PRKG1: variants seen among roughly 807,000 people sequenced by gnomAD.
PRKG1 encodes the protein protein kinase cGMP-dependent 1, also known as cGMP-dependent protein kinase 1.
A neutral mutation model predicts 88.1 loss-of-function variants in PRKG1; 35 were observed. The observed-to-expected ratio is 0.40, with a 90% CI of 0.30 to 0.53. PRKG1 has a LOEUF of 0.53. Among genes scored for constraint, PRKG1 ranks in the 20% least tolerant of loss-of-function variants. The probability of loss-of-function intolerance (pLI) is 0.59; values close to 1 mark genes in which losing one functional copy is unlikely to be tolerated. For synonymous variants in PRKG1, 303 were observed against 292.5 expected (o/e 1.04, Z -0.37); for missense variants, 540 against 839.8 (o/e 0.64, Z 4.41).
chr10:52,098,342 T>G (rs558156594), intron 7 of PRKG1, among the ~76,000 whole-genome samples: 1 of 152,226 alleles, frequency 6.6e-6, no homozygotes, highest in Non-Finnish European at 1.5e-5. Flanking sequence ...CTGATGGAGG[T>G]TTTATAGGAG....
At chr10:51,433,452 C>T (rs1169751260) in intron 2 of PRKG1, among the ~76,000 whole-genome samples, 1 of 152,042 alleles carries the variant, frequency 6.6e-6, no homozygotes, top group Non-Finnish European at 1.5e-5. Flanking sequence ...GATTAAAGAT[C>T]ACAGATGGAA....
At chr10:52,074,997 T>A (rs1846593964) in intron 7 of PRKG1, among the ~76,000 whole-genome samples, 1 of 152,222 alleles carries the variant, frequency 6.6e-6, no homozygotes, top group Admixed American at 6.5e-5. Context: ...TATCTCCTAT[T>A]CCAGGCATTT....
At chr10:52,292,066 G>C (rs1339784281) in intron 17 of PRKG1, among the ~76,000 whole-genome samples, 3 of 152,176 alleles carry the variant, frequency 2.0e-5, no homozygotes, top group Non-Finnish European at 4.4e-5. Context: ...CTTCTTTTGA[G>C]AAGTGTCGGT....
At chr10:51,105,319 T>C (rs959250229) in intron 1 of PRKG1, among the ~76,000 whole-genome samples, 26 of 152,218 alleles carry the variant, frequency 1.7e-4, no homozygotes, top group African/African-American at 6.0e-4. Context: ...AATCTCCAAA[T>C]GCAAAATGGT....
At chr10:51,941,963 AC>A (rs1842918924) in intron 5 of PRKG1, among the ~76,000 whole-genome samples, 1 of 152,058 alleles carries the variant, frequency 6.6e-6, no homozygotes, top group Non-Finnish European at 1.5e-5. Context: ...TTGGGTATAT[AC>A]CCAGTAAGGG....
intron 3 of PRKG1, among the ~76,000 whole-genome samples, chr10:51,590,316 C>A (rs571646437): frequency 9.9e-5 from 15 of 152,088 alleles, no homozygotes; most frequent in Admixed American, 2.0e-4. Flanking sequence ...AGGCTACCCG[C>A]CCCCCACAAT....
intron 9 of PRKG1, among the ~76,000 whole-genome samples, chr10:52,173,447 C>G (rs574308741): frequency 6.6e-5 from 10 of 152,238 alleles, no homozygotes. Flanking sequence ...ATATTTCCCC[C>G]ATGAATCCTT....
At chr10:51,132,677 C>T (rs766975193) in intron 1 of PRKG1, among the ~76,000 whole-genome samples, 1 of 147,566 alleles carries the variant, frequency 6.8e-6, no homozygotes, top group Non-Finnish European at 1.5e-5. Flanking sequence ...CACGTACATA[C>T]CGTATGTATT....
chr10:51,919,263 C>A (rs760182190), intron 5 of PRKG1, among the ~76,000 whole-genome samples: 12 of 152,126 alleles, frequency 7.9e-5, no homozygotes, highest in Non-Finnish European at 1.5e-4. Context: ...TAGTAATGAG[C>A]ATTCCTCAAA....
chr10:52,064,600 C>T (rs1387799904), intron 7 of PRKG1, among the ~76,000 whole-genome samples: 1 of 152,214 alleles, frequency 6.6e-6, no homozygotes, highest in African/African-American at 2.4e-5. Flanking sequence ...TTCCCCCTGC[C>T]TGCCCATGAC....
At chr10:52,016,778 AAAT>A (rs1214239580) in intron 5 of PRKG1, among the ~76,000 whole-genome samples, 6 of 152,242 alleles carry the variant, frequency 3.9e-5, no homozygotes, top group African/African-American at 1.2e-4. Flanking sequence ...AAGAGATAGA[AAAT>A]AAGCATATTT....
chr10:52,166,984 A>G (rs545103767), intron 9 of PRKG1, among the ~76,000 whole-genome samples: 140 of 150,920 alleles, frequency 9.3e-4, no homozygotes, highest in Admixed American at 2.1e-3. Context: ...GCTATTACCT[A>G]TCTTGGTGTT....
At chr10:51,924,060 T>G (rs113499312) in intron 5 of PRKG1, among the ~76,000 whole-genome samples, 95 of 152,140 alleles carry the variant, frequency 6.2e-4, no homozygotes, top group African/African-American at 2.1e-3. Flanking sequence ...AACTCCTGGA[T>G]GTAAGCAATC....
chr10:52,133,958 T>C (rs1224374647), intron 8 of PRKG1, 53 bp downstream of exon 8: 3 of 1,404,504 alleles, frequency 2.1e-6, no homozygotes, highest in Admixed American at 3.5e-5. Context: ...GCAACACACA[T>C]GAGTTCTTGG....
chr10:51,956,426 AAT>A (rs1232029538), intron 5 of PRKG1, among the ~76,000 whole-genome samples: 8 of 151,964 alleles, frequency 5.3e-5, no homozygotes, highest in African/African-American at 1.9e-4. Flanking sequence ...GAATAGTAAC[AAT>A]AAAACAATTT....
At chr10:51,717,367 G>A (rs1490582718) in intron 3 of PRKG1, among the ~76,000 whole-genome samples, 1 of 152,144 alleles carries the variant, frequency 6.6e-6, no homozygotes, top group Admixed American at 6.5e-5. Flanking sequence ...GGAAGGATTT[G>A]TCAAATAAAG....
chr10:52,006,404 G>C (rs1844737037), intron 5 of PRKG1, among the ~76,000 whole-genome samples: 1 of 152,004 alleles, frequency 6.6e-6, no homozygotes, highest in Non-Finnish European at 1.5e-5. Flanking sequence ...TGATACAGGA[G>C]CTGATATACA....
intron 2 of PRKG1, among the ~76,000 whole-genome samples, chr10:51,345,485 A>G (rs941748976): frequency 6.6e-6 from 1 of 152,144 alleles, no homozygotes; most frequent in Admixed American, 6.5e-5. Context: ...CATGGGATGT[A>G]TAGTTAGTTA....
intron 2 of PRKG1, among the ~76,000 whole-genome samples, chr10:51,456,365 T>G (rs1182499737): frequency 6.6e-6 from 1 of 152,108 alleles, no homozygotes; most frequent in Non-Finnish European, 1.5e-5. Context: ...CAATAAATGG[T>G]GCTGGGATAA....
Sources: allele counts gnomAD v4.1 joint callset (sites outside exome capture counted in the v4.1 genomes callset), GRCh38; gene constraint gnomAD v4.1.1; transcripts MANE v1.5; gene names NCBI Gene and HGNC (gene_info 2026-07-23, HGNC 2026-07-21).